The following ADGRA1 variants were observed in gnomAD, a reference collection of about 807,000 sequenced individuals.
ADGRA1 encodes the protein G-protein coupled receptor 123.
A neutral mutation model predicts 21.3 loss-of-function variants in ADGRA1; 12 were observed. That is an observed-to-expected ratio of 0.56 (90% CI 0.36 to 0.91). The LOEUF (loss-of-function observed/expected upper bound fraction) is 0.91, where lower values mean the gene tolerates loss of function less well. ADGRA1 is among the 40% of genes least tolerant of loss of function. The probability of loss-of-function intolerance (pLI) is 0.01; values close to 1 mark genes in which losing one functional copy is unlikely to be tolerated. For synonymous variants in ADGRA1, 385 were observed against 368.8 expected (o/e 1.04, Z -0.50); for missense variants, 790 against 805.6 (o/e 0.98, Z 0.23).
intron 2 of ADGRA1, among the ~76,000 whole-genome samples, chr10:133,095,984 G>A: frequency 6.7e-6 from 1 of 149,212 alleles, no homozygotes; most frequent in Non-Finnish European, 1.5e-5. Context: ...GGGCCAGGCG[G>A]CTGCAGCCCT....
At chr10:133,119,817 T>C (rs1461728944) in intron 5 of ADGRA1, among the ~76,000 whole-genome samples, 1 of 152,258 alleles carries the variant, frequency 6.6e-6, no homozygotes, top group Non-Finnish European at 1.5e-5. Context: ...GTCTCAACAG[T>C]GGGCTTTAAA....
Position 133,098,682 on chromosome 10 carries a change from T to C in ADGRA1, c.174T>C (p.Asn58=). The C allele has an allele frequency of 6.2e-7, 1 of 1,611,516 alleles. No homozygotes were observed. Among genetic ancestry groups the C allele is most frequent in the Non-Finnish European group, 8.5e-7 (1 of 1,179,920 alleles). ...GCAAGGGCCGGCACACGCTCCTGAATTTCTGCTTCCACGCGGCCCTGACCT... is the reference window on the plus strand; with the variant it reads ...GCAAGGGCCGGCACACGCTCCTGAACTTCTGCTTCCACGCGGCCCTGACCT... ...ISRKGRHTLL[N]FCFHAALTFT... The change falls in exon 4 of 7, where the codon AAT becomes AAC. Residue 58 remains asparagine, a synonymous_variant. Coordinates refer to ENST00000392607, the MANE Select transcript of ADGRA1 (RefSeq NM_001083909.3).
intron 5 of ADGRA1, among the ~76,000 whole-genome samples, chr10:133,112,404 C>CGTTATTTGGGGTCTGCGGGCCATGTCG (rs1852056130): frequency 2.5e-5 from 2 of 79,964 alleles, no homozygotes; most frequent in African/African-American, 1.2e-4. Context: ...GGGCCGCGTC[C>CGTTATTTGGGGTCTGCGGGCCATGTCG]GTTATTTGGG....
intron 6 of ADGRA1, 42 bp downstream of exon 6, chr10:133,127,373 G>C (rs1350002899): frequency 2.0e-6 from 3 of 1,467,332 alleles, no homozygotes; most frequent in Non-Finnish European, 2.8e-6. Flanking sequence ...GGAGCAGCGG[G>C]TGGGCTCTGC....
chr10:133,127,141 TCC>T (rs933604576), intron 5 of ADGRA1, 90 bp from the exon 6 acceptor site: 227 of 751,562 alleles, frequency 3.0e-4, no homozygotes, highest in Non-Finnish European at 4.2e-4. Context: ...CCCGCTGCTC[TCC>T]CTTGCCCCGC....
intron 5 of ADGRA1, among the ~76,000 whole-genome samples, chr10:133,104,451 C>T (rs755736265): frequency 6.6e-6 from 1 of 152,222 alleles, no homozygotes; most frequent in African/African-American, 2.4e-5. Context: ...TGCCAATGCG[C>T]GCCGCAGAGC....
intron 5 of ADGRA1, among the ~76,000 whole-genome samples, chr10:133,124,745 C>T (rs907788299): frequency 6.6e-6 from 1 of 152,256 alleles, no homozygotes; most frequent in Non-Finnish European, 1.5e-5. Context: ...AACAACTCCC[C>T]GGACACCGGT....
chr10:133,090,047 A>C (rs937536196), intron 2 of ADGRA1, among the ~76,000 whole-genome samples: 2 of 152,204 alleles, frequency 1.3e-5, no homozygotes, highest in African/African-American at 4.8e-5. Context: ...TTCAGCCTCA[A>C]ATTGAGACCC....
chr10:133,095,516 G>C, intron 2 of ADGRA1: 1 of 1,015,052 alleles, frequency 9.9e-7, no homozygotes, highest in Non-Finnish European at 1.4e-6. Flanking sequence ...AGGTGCCTTC[G>C]CCCTCGCACA....
intron 3 of ADGRA1, 42 bp downstream of exon 3, chr10:133,097,143 A>G (rs777864275): frequency 3.1e-6 from 5 of 1,596,550 alleles, no homozygotes. Flanking sequence ...TGCCCAAGAA[A>G]CCTGCTTTTA....
chr10:133,091,991 A>G (rs926470823), intron 2 of ADGRA1, among the ~76,000 whole-genome samples: 1 of 152,208 alleles, frequency 6.6e-6, no homozygotes, highest in Non-Finnish European at 1.5e-5. Flanking sequence ...CGCCCTGAAG[A>G]GAACCAGGAT....
chr10:133,110,558 G>A (rs1474907142), intron 5 of ADGRA1, among the ~76,000 whole-genome samples: 1 of 152,254 alleles, frequency 6.6e-6, no homozygotes, highest in Admixed American at 6.5e-5. Flanking sequence ...AATGTTCAGA[G>A]AGAAGCTCCT....
At chr10:133,099,844 T>G (rs1386505882) in intron 4 of ADGRA1, among the ~76,000 whole-genome samples, 1 of 152,068 alleles carries the variant, frequency 6.6e-6, no homozygotes, top group Non-Finnish European at 1.5e-5. Flanking sequence ...TTGCCAGGGG[T>G]CCACCCTGCA....
chr10:133,123,720 C>T (rs924592520), intron 5 of ADGRA1, among the ~76,000 whole-genome samples: 11 of 152,116 alleles, frequency 7.2e-5, no homozygotes, highest in South Asian at 6.2e-4. Context: ...TCCCTCCCCC[C>T]CCCCGGCACC....
chr10:133,110,816 T>G, intron 5 of ADGRA1, among the ~76,000 whole-genome samples: 1 of 152,168 alleles, frequency 6.6e-6, no homozygotes, highest in East Asian at 1.9e-4. Flanking sequence ...TTGACCTCTA[T>G]TCAGCCTCTT....
intron 4 of ADGRA1, among the ~76,000 whole-genome samples, chr10:133,101,409 C>A (rs771826668): frequency 6.6e-6 from 1 of 152,184 alleles, no homozygotes; most frequent in South Asian, 2.1e-4. Flanking sequence ...CTGGGTCCGG[C>A]GGGGTGGGGC....
chr10:133,124,076 C>T (rs1341578028), intron 5 of ADGRA1, among the ~76,000 whole-genome samples: 1 of 152,230 alleles, frequency 6.6e-6, no homozygotes, highest in Admixed American at 6.5e-5. Context: ...GCTCCTCCCT[C>T]ACTTGGCACT....
intron 3 of ADGRA1, 80 bp downstream of exon 3, chr10:133,097,181 A>T: frequency 2.6e-6 from 4 of 1,513,244 alleles, no homozygotes; most frequent in Non-Finnish European, 3.6e-6. Context: ...CTGAAGGGCA[A>T]TGCCACTGCC....
chr10:133,088,649 G>A (rs1272183884), intron 1 of ADGRA1, 59 bp from the exon 2 acceptor site: 1 of 1,118,342 alleles, frequency 8.9e-7, no homozygotes, highest in Non-Finnish European at 1.1e-6. Flanking sequence ...GGTCGGGGCT[G>A]CGAGCTGCCC....
Sources: allele counts gnomAD v4.1 joint callset (sites outside exome capture counted in the v4.1 genomes callset), GRCh38; gene constraint gnomAD v4.1.1; transcripts MANE v1.5; gene names NCBI Gene and HGNC (gene_info 2026-07-23, HGNC 2026-07-21).